LNX1: variants seen among roughly 807,000 people sequenced by gnomAD.
LNX1 encodes E3 ubiquitin-protein ligase LNX.
A neutral mutation model predicts 68.4 loss-of-function variants in LNX1; 54 were observed. The ratio of observed to expected loss-of-function variants is 0.79; its 90% CI spans 0.63 to 0.99. The LOEUF (loss-of-function observed/expected upper bound fraction) is 0.99. LNX1 is among the 50% of genes least tolerant of loss of function. The pLI is 0.00. For missense variants in LNX1, 906 were observed against 926.4 expected (o/e 0.98, Z 0.29); for synonymous variants, 336 against 350.0 (o/e 0.96, Z 0.45).
intron 2 of LNX1, chr4:53,603,815 G>A (rs773207601): frequency 6.6e-6 from 1 of 152,228 alleles, no homozygotes; most frequent in Non-Finnish European, 1.5e-5. Context: ...ATTTCAACAT[G>A]AGATTTGGGT....
At chr4:53,476,337 C>T (rs949532335) in intron 9 of LNX1, among the ~76,000 whole-genome samples, 10 of 152,252 alleles carry the variant, frequency 6.6e-5, no homozygotes, top group African/African-American at 1.7e-4. Context: ...CAGTCAGCCT[C>T]CCTGCAAGAT....
intron 1 of LNX1, among the ~76,000 whole-genome samples, chr4:53,644,894 T>C (rs1734825124): frequency 6.6e-6 from 1 of 152,090 alleles, no homozygotes; most frequent in African/African-American, 2.4e-5. Flanking sequence ...GAAGTCTGGG[T>C]AAGGATTACA....
At chr4:53,587,638 G>A (rs981197409) in intron 1 of LNX1, among the ~76,000 whole-genome samples, 15 of 152,188 alleles carry the variant, frequency 9.9e-5, no homozygotes, top group East Asian at 7.7e-4. Context: ...AGTCAAGATC[G>A]TATCCTGGTC....
At chr4:53,629,790 T>C (rs766180256) in intron 1 of LNX1, among the ~76,000 whole-genome samples, 2 of 152,198 alleles carry the variant, frequency 1.3e-5, no homozygotes, top group Non-Finnish European at 2.9e-5. Context: ...CCAACACCCC[T>C]GACTTGGATA....
chr4:53,561,222 T>C (rs1399952081), intron 2 of LNX1, among the ~76,000 whole-genome samples: 6 of 152,114 alleles, frequency 3.9e-5, no homozygotes, highest in Non-Finnish European at 4.4e-5. Flanking sequence ...AATAGTCCCC[T>C]GTATTTCTTT....
At chr4:53,614,608 T>TC (rs1171869315) in intron 2 of LNX1, among the ~76,000 whole-genome samples, 1 of 152,168 alleles carries the variant, frequency 6.6e-6, no homozygotes, top group Non-Finnish European at 1.5e-5. Flanking sequence ...GCTCTTAAGG[T>TC]CATAGGTCTT....
chr4:53,584,143 GT>G (rs1285906257), intron 1 of LNX1, among the ~76,000 whole-genome samples: 1 of 151,782 alleles, frequency 6.6e-6, no homozygotes. Flanking sequence ...TGTGTGTATG[GT>G]TTTTTTTCTG....
At chr4:53,590,027 A>G (rs1229045256) in intron 1 of LNX1, among the ~76,000 whole-genome samples, 1 of 152,228 alleles carries the variant, frequency 6.6e-6, no homozygotes, top group Non-Finnish European at 1.5e-5. Flanking sequence ...CAGAAGATCC[A>G]AGCTTTGAAT....
intron 1 of LNX1, among the ~76,000 whole-genome samples, chr4:53,633,368 T>G (rs990263133): frequency 1.3e-5 from 2 of 152,228 alleles, no homozygotes; most frequent in African/African-American, 4.8e-5. Flanking sequence ...TCTCTTTCTC[T>G]TCTCCTTTTT....
intron 2 of LNX1, among the ~76,000 whole-genome samples, chr4:53,557,660 T>C (rs1453566300): frequency 6.6e-6 from 1 of 151,274 alleles, no homozygotes; most frequent in Non-Finnish European, 1.5e-5. Flanking sequence ...AAATGCCTTA[T>C]TGAGAAAGTA....
intron 2 of LNX1, among the ~76,000 whole-genome samples, chr4:53,544,470 A>G (rs1338822502): frequency 2.0e-5 from 3 of 152,258 alleles, no homozygotes; most frequent in Middle Eastern, 3.4e-3. Context: ...CTGGGATTAC[A>G]GATGTGAGCC....
At chr4:53,507,108 A>G (rs1484445297) in intron 4 of LNX1, among the ~76,000 whole-genome samples, 1 of 152,166 alleles carries the variant, frequency 6.6e-6, no homozygotes, top group Non-Finnish European at 1.5e-5. Flanking sequence ...GGGTTTCAAC[A>G]CTTTTTTCTT....
chr4:53,534,720 TA>T (rs1163447479), intron 2 of LNX1, among the ~76,000 whole-genome samples: 4 of 152,210 alleles, frequency 2.6e-5, no homozygotes, highest in Admixed American at 2.6e-4. Context: ...GGGGAGGATG[TA>T]AATATTTTCA....
upstream of LNX1, among the ~76,000 whole-genome samples, chr4:53,620,975 A>C (rs572655901): frequency 1.3e-5 from 2 of 152,332 alleles, no homozygotes; most frequent in South Asian, 4.1e-4. Context: ...TACTCCTGTT[A>C]GTTTCAAAGA....
intron 2 of LNX1, among the ~76,000 whole-genome samples, chr4:53,533,461 C>T (rs561679806): frequency 1.4e-4 from 21 of 152,272 alleles, no homozygotes; most frequent in Admixed American, 1.4e-3. Flanking sequence ...TGCAGCGGTG[C>T]GTTCTCAGCT....
intron 6 of LNX1, among the ~76,000 whole-genome samples, chr4:53,494,850 G>A (rs780951327): frequency 2.0e-5 from 3 of 152,180 alleles, no homozygotes; most frequent in South Asian, 2.1e-4. Flanking sequence ...ATGAAACGTC[G>A]CTGAGACACA....
intron 2 of LNX1, among the ~76,000 whole-genome samples, chr4:53,519,668 CACACATGCGCGCACA>C (rs1189739191): frequency 6.6e-6 from 1 of 152,164 alleles, no homozygotes; most frequent in Non-Finnish European, 1.5e-5. Flanking sequence ...CTGACACACA[CACACATGCGCGCACA>C]TGCACACACA....
At chr4:53,522,525 C>T (rs1157578762) in intron 2 of LNX1, among the ~76,000 whole-genome samples, 1 of 152,180 alleles carries the variant, frequency 6.6e-6, no homozygotes, top group African/African-American at 2.4e-5. Flanking sequence ...CATATTGACA[C>T]AGAGAGTTGC....
intron 2 of LNX1, chr4:53,603,952 C>A (rs1733125161): frequency 6.6e-6 from 1 of 152,106 alleles, no homozygotes; most frequent in South Asian, 2.1e-4. Flanking sequence ...TATGCTATAC[C>A]AATTATTAAA....
Sources: gnomAD v4.1 joint callset for allele counts (sites outside exome capture counted in the v4.1 genomes callset) on GRCh38, gnomAD v4.1.1 for gene constraint, MANE v1.5 for transcripts, NCBI Gene and HGNC (gene_info 2026-07-23, HGNC 2026-07-21) for gene names.